The following RSRP1 variants were observed in gnomAD, a reference collection of about 807,000 sequenced individuals.
RSRP1 encodes the protein arginine/serine-rich protein 1.
A neutral mutation model predicts 33.0 loss-of-function variants in RSRP1; 37 were observed. The ratio of observed to expected loss-of-function variants is 1.12; its 90% confidence interval spans 0.86 to 1.48. The LOEUF (loss-of-function observed/expected upper bound fraction) is 1.48, where lower values mean the gene tolerates loss of function less well. Among genes scored for constraint, RSRP1 ranks in the 40% most tolerant of loss-of-function variants. The pLI, the probability that RSRP1 is intolerant of heterozygous loss-of-function variation, is 0.00. For missense variants in RSRP1, 402 were observed against 385.3 expected, an observed-to-expected ratio of 1.04 and a Z score of -0.36; for synonymous variants, 167 against 158.7, an observed-to-expected ratio of 1.05 and a Z score of -0.40.
chr1:25,319,003 G>A (rs181241244), intron 1 of RSRP1, among the ~76,000 whole-genome samples: 10 of 132,878 alleles, frequency 7.5e-5, no homozygotes, highest in Admixed American at 5.1e-4. Flanking sequence ...CGTTCAGTTC[G>A]TGGCAGCTGG....
Position 25,242,475 on chromosome 1 carries a change from G to A in RSRP1, c.*114C>T, listed in dbSNP as rs187888653. The A allele has an allele frequency of 1.6e-3, 1,047 of 653,634 alleles. 4 individuals carry two copies. The African/African-American group carries it at 0.016, about 10-fold the overall frequency. The allele number at this position is 653,634 out of a possible 1,614,324, so 40.5% of individuals were successfully genotyped here. A position where few individuals can be genotyped will look rare whatever the true frequency, so the allele number is the denominator to read the frequency against. On this transcript the variant is annotated 3_prime_UTR_variant, in exon 5 of 5. Transcript: ENST00000243189. ...TAAGTATTTACATCTTTTTGTGTTG[G>A]TTTTTAAATGCACAAGTACCCCTGA...
At chr1:25,331,734 A>AT (rs71014355) in intron 1 of RSRP1, among the ~76,000 whole-genome samples, 1,863 of 43,176 alleles carry the variant, frequency 0.043, 220 homozygotes, top group African/African-American at 0.11. Context: ...TGCCCAGCTA[A>AT]TTTTTTTTTT....
intron 2 of RSRP1, 56 bp downstream of exon 2, chr1:25,246,388 A>C: frequency 6.3e-7 from 1 of 1,581,136 alleles, no homozygotes; most frequent in Non-Finnish European, 8.6e-7. Flanking sequence ...TCCCTAGCCT[A>C]CTCATATACT....
At chr1:25,311,427 A>T (rs1226665229) in intron 1 of RSRP1, among the ~76,000 whole-genome samples, 1 of 131,128 alleles carries the variant, frequency 7.6e-6, no homozygotes, top group Non-Finnish European at 1.8e-5. Flanking sequence ...TGGGAGGCTG[A>T]GGCAGGAGAA....
intron 1 of RSRP1, among the ~76,000 whole-genome samples, chr1:25,262,699 G>T (rs1300696310): frequency 6.6e-6 from 1 of 152,170 alleles, no homozygotes; most frequent in East Asian, 1.9e-4. Context: ...AGCGGTGACG[G>T]AAAGGCTGAT....
upstream of RSRP1, among the ~76,000 whole-genome samples, chr1:25,250,399 C>A (rs1639738860): frequency 6.6e-6 from 1 of 152,208 alleles, no homozygotes; most frequent in African/African-American, 2.4e-5. Context: ...CTGTCCGGCT[C>A]TGTCTGCTAG....
chr1:25,264,059 C>A (rs1640244575), intron 1 of RSRP1, among the ~76,000 whole-genome samples: 1 of 151,934 alleles, frequency 6.6e-6, no homozygotes, highest in African/African-American at 2.4e-5. Flanking sequence ...CAGCTCTGCC[C>A]CTGTACCTTT....
rs543543795 is a variant in RSRP1, at chr1:25,278,992, A to C, written c.-66-31963T>G. ...GCCTGGGAGAGTGAAGCTGGGTGTGACTTCAGAGCTGTTGGTGCTGAAGTT... is the reference window on the plus strand; with the variant it reads ...GCCTGGGAGAGTGAAGCTGGGTGTGCCTTCAGAGCTGTTGGTGCTGAAGTT... On this transcript the variant is annotated intron_variant, in intron 1 of 1. Coordinates refer to the RSRP1 transcript ENST00000561867. 6.7e-4 allele frequency among the ~76,000 whole-genome samples: 86 copies of C among 128,968 alleles called. 9 individuals carry two copies. The highest frequency in any genetic ancestry group is 1.7e-3 in the African/African-American group (62 of 37,036). The allele number at this position is 128,968 out of a possible 152,430, so 84.6% of individuals were successfully genotyped here. A position where few individuals can be genotyped will look rare whatever the true frequency, so the allele number is the denominator to read the frequency against.
rs1205737381 is a variant in RSRP1 at position 25,300,764 on chromosome 1, G to A, written c.-67+37214C>T. 3.0e-5 allele frequency among the ~76,000 whole-genome samples: 4 copies of A among 132,044 alleles called. 1 individual carries two copies. Among genetic ancestry groups the A allele is most frequent in the Admixed American group, 7.3e-5 (1 of 13,674 alleles). The allele number at this position is 132,044 out of a possible 152,430, so 86.6% of individuals were successfully genotyped here. The stretch of plus-strand genomic sequence containing the variant: ...GCAAATGTTCCAGTGAGCCGAGATC[G>A]TGCCATTGCACTCCAGCCTGGGCAG... On this transcript the variant is annotated intron_variant, in intron 1 of 1. Coordinates refer to the RSRP1 transcript ENST00000561867.
At chr1:25,334,844 A>C (rs1002363745) in intron 1 of RSRP1, among the ~76,000 whole-genome samples, 1 of 131,596 alleles carries the variant, frequency 7.6e-6, no homozygotes, top group Admixed American at 7.3e-5. Flanking sequence ...GCAGGGCACC[A>C]AGTCCCTAGG....
intron 1 of RSRP1, among the ~76,000 whole-genome samples, chr1:25,276,399 G>T (rs1486969430): frequency 8.5e-6 from 1 of 117,162 alleles, no homozygotes; most frequent in Non-Finnish European, 1.9e-5. Context: ...TGCTTTAAAA[G>T]TTCTGTAATA....
At chr1:25,250,625 G>A (rs970554709), upstream of RSRP1, among the ~76,000 whole-genome samples, 1 of 152,240 alleles carries the variant, frequency 6.6e-6, no homozygotes, top group African/African-American at 2.4e-5. Context: ...ATCTGGAGAT[G>A]AGATTATTCT....
rs1200121381 is a variant in RSRP1, at chr1:25,290,535, C to T, written c.-66-43506G>A. The T allele has an allele frequency of 1.6e-5, 16 of 1,006,218 alleles. 3 individuals are homozygous for T. The Admixed American group carries it at 2.9e-4, about 18-fold the overall frequency. 62.3% of individuals were successfully genotyped at this position (1,006,218 alleles called of 1,614,324 possible). A position where few individuals can be genotyped will look rare whatever the true frequency, so the allele number is the denominator to read the frequency against. On this transcript the variant is annotated intron_variant, in intron 1 of 1. Transcript: ENST00000561867. ...CTTCTATTCCCACAGAAAGTAGGTG[C>T]CCAACAGTGTTTGTTGAAAGAATGA...
In RSRP1 at chr1:25,305,609, T is replaced by C. The variant is rs1399033220; in HGVS notation, c.-67+32369A>G. Among the ~76,000 whole-genome samples, 2 of 125,940 alleles carry C rather than the reference T, an allele frequency of 1.6e-5. 1 individual carries two copies. The highest frequency in any genetic ancestry group is 3.7e-5 in the Non-Finnish European group (2 of 53,890). The allele number at this position is 125,940 out of a possible 152,430, so 82.6% of individuals were successfully genotyped here. A position where few individuals can be genotyped will look rare whatever the true frequency, so the allele number is the denominator to read the frequency against. ...TTGTTGTTGTTGTTGTTGTTGTTGT[T>C]GTTGTTGTTGAGACGGTGTCTCGCT... On this transcript the variant is annotated intron_variant, in intron 1 of 1. Transcript: ENST00000561867.
chr1:25,321,992 A>T lies in RSRP1; in HGVS notation c.-67+15986T>A. On this transcript the variant is annotated intron_variant, in intron 1 of 1. Coordinates refer to the RSRP1 transcript ENST00000561867. The stretch of plus-strand genomic sequence containing the variant: ...GATTTTTCACCTATTAACGTGATAG[A>T]TTTTGAGTGCATGAACTTAAAAACA... 2 of 1,073,332 alleles carry T rather than the reference A, an allele frequency of 1.9e-6. 1 individual carries two copies. Among genetic ancestry groups the T allele is most frequent in the Non-Finnish European group, 2.9e-6 (2 of 700,172 alleles). 66.5% of individuals were successfully genotyped at this position (1,073,332 alleles called of 1,614,324 possible). A position where few individuals can be genotyped will look rare whatever the true frequency, so the allele number is the denominator to read the frequency against.
At chr1:25,252,532 CT>C (rs535973265) in intron 1 of RSRP1, among the ~76,000 whole-genome samples, 2,062 of 135,786 alleles carry the variant, frequency 0.015, 37 homozygotes, top group African/African-American at 0.046. Context: ...GGACCCTGAC[CT>C]TTTTTTTTTT....
At chr1:25,333,120 G>A (rs1645038857) in intron 1 of RSRP1, among the ~76,000 whole-genome samples, 1 of 132,360 alleles carries the variant, frequency 7.6e-6, no homozygotes, top group African/African-American at 2.6e-5. Context: ...AGCTCCAAGA[G>A]AGTAAGACCA....
upstream of RSRP1, among the ~76,000 whole-genome samples, chr1:25,250,651 G>A (rs566227712): frequency 1.2e-4 from 19 of 152,294 alleles, no homozygotes; most frequent in African/African-American, 4.1e-4. Context: ...ATCTGGGTAG[G>A]CCCAATCTAA....
rs575226630 is a variant in RSRP1 at position 25,306,299 on chromosome 1, T to C, written c.-67+31679A>G. 6.6e-4 allele frequency among the ~76,000 whole-genome samples: 87 copies of C among 131,816 alleles called. 13 individuals carry two copies. The highest frequency in any genetic ancestry group is 1.9e-3 in the Admixed American group (26 of 13,692). 86.5% of individuals were successfully genotyped at this position (131,816 alleles called of 152,430 possible). A position where few individuals can be genotyped will look rare whatever the true frequency, so the allele number is the denominator to read the frequency against. On this transcript the variant is annotated intron_variant, in intron 1 of 1. Transcript: ENST00000561867. Reference sequence around the variant, plus strand: ...TTATCAGCTGAAATTGTGAACAGTGTCTACACTAGACCCTTGCTACTCATA... The same window carrying C: ...TTATCAGCTGAAATTGTGAACAGTGCCTACACTAGACCCTTGCTACTCATA...
Sources: allele counts gnomAD v4.1 joint callset (sites outside exome capture counted in the v4.1 genomes callset), GRCh38; gene constraint gnomAD v4.1.1; transcripts MANE v1.5; gene names NCBI Gene and HGNC (gene_info 2026-07-23, HGNC 2026-07-21).